FMN1: variants seen among roughly 807,000 people sequenced by gnomAD.
FMN1 encodes formin-1.
A neutral mutation model predicts 132.4 loss-of-function variants in FMN1; 110 were observed. The ratio of observed to expected loss-of-function variants is 0.83; its 90% confidence interval spans 0.71 to 0.97. The LOEUF (loss-of-function observed/expected upper bound fraction) is 0.97, where lower values mean the gene tolerates loss of function less well. Ranked by LOEUF, FMN1 falls within the 50% of genes least tolerant of loss-of-function variation. The pLI is 0.00. For missense variants in FMN1, 1,792 were observed against 1,705.3 expected (o/e 1.05, Z -0.90); for synonymous variants, 722 against 651.7 (o/e 1.11, Z -1.64).
intron 6 of FMN1, among the ~76,000 whole-genome samples, chr15:33,013,526 T>C (rs928605755): frequency 1.3e-5 from 2 of 152,218 alleles, no homozygotes; most frequent in African/African-American, 4.8e-5. Context: ...TATATGGGTG[T>C]TAAATGAAAA....
At chr15:33,068,913 G>C (rs1253196176) in intron 5 of FMN1, among the ~76,000 whole-genome samples, 1 of 152,214 alleles carries the variant, frequency 6.6e-6, no homozygotes, top group Non-Finnish European at 1.5e-5. Flanking sequence ...CTGCTCAGCA[G>C]CTGTGACTTC....
At chr15:32,804,137 T>C (rs914330595) in intron 18 of FMN1, 144 bp downstream of exon 18, 1 of 627,058 alleles carries the variant, frequency 1.6e-6, no homozygotes, top group African/African-American at 1.9e-5. Flanking sequence ...GGGGAATTTG[T>C]GTTTAAAGGG....
In FMN1 at chr15:33,031,235, A is replaced by G. The variant is rs535210142; in HGVS notation, c.2162-23160T>C. ...TCTTAATGTCCACAGCATACTATCC[A>G]AACTCAATAAATGTCCATCGAGGAA... On this transcript the variant is annotated intron_variant, in intron 6 of 20. Coordinates refer to ENST00000616417, the MANE Select transcript of FMN1 (RefSeq NM_001277313.2). Among the ~76,000 whole-genome samples the G allele has an allele frequency of 4.6e-4, 70 of 152,284 alleles. 1 individual carries two copies. The highest frequency in any genetic ancestry group is 1.7e-3 in the South Asian group (8 of 4,826).
At chr15:32,909,461 TC>T in intron 11 of FMN1, among the ~76,000 whole-genome samples, 1 of 152,312 alleles carries the variant, frequency 6.6e-6, no homozygotes, top group East Asian at 1.9e-4. Flanking sequence ...ACTAAGTAGC[TC>T]CTGATACATA....
At position 33,066,587 on chromosome 15, in the gene FMN1, T is replaced by C. The variant is rs751528222; in HGVS notation, c.2044-1513A>G. The C allele has an allele frequency of 2.5e-6, 4 of 1,613,214 alleles. No homozygotes were observed. In the East Asian group the frequency reaches 8.9e-5, roughly 36 times the overall value. On this transcript the variant is annotated intron_variant, in intron 5 of 20. Coordinates refer to ENST00000616417, the MANE Select transcript of FMN1 (RefSeq NM_001277313.2). ...CACAGCTCTTAGCGACTCCTTCTCA[T>C]GTCTCATCTTGCGCTTGAGAGCTTC...
At chr15:33,054,846 C>T (rs1215701020) in intron 6 of FMN1, among the ~76,000 whole-genome samples, 3 of 152,182 alleles carry the variant, frequency 2.0e-5, no homozygotes, top group African/African-American at 4.8e-5. Context: ...GTTCTAGCTA[C>T]TTGTATCTTA....
intron 6 of FMN1, among the ~76,000 whole-genome samples, chr15:33,010,652 T>C (rs938429084): frequency 5.3e-5 from 8 of 152,156 alleles, no homozygotes; most frequent in African/African-American, 1.9e-4. Context: ...GAAGGTATTA[T>C]TCTCTATGTT....
intron 17 of FMN1, among the ~76,000 whole-genome samples, chr15:32,839,839 G>A (rs1258774): frequency 0.98 from 148,814 of 152,046 alleles, 72,892 homozygotes; most frequent in East Asian, 1. Context: ...ATGAAATGGG[G>A]AACAACAATG....
rs527587350 is a variant in FMN1, at chr15:33,155,676, T to A, written c.-131-631A>T. Among the ~76,000 whole-genome samples, 4 of 152,306 alleles carry A rather than the reference T, an allele frequency of 2.6e-5. No individual in the cohort carries two copies. In the South Asian group the frequency reaches 8.3e-4, roughly 32 times the overall value. On this transcript the variant is annotated intron_variant, in intron 3 of 20. Transcript: ENST00000616417. Reference sequence around the variant, plus strand: ...TTTGCTGTTTTCTTTTTTATTTATTTTTTGTTGTTGTATTGCCTTCTTTTT... The same window carrying A: ...TTTGCTGTTTTCTTTTTTATTTATTATTTGTTGTTGTATTGCCTTCTTTTT...
chr15:32,864,814 A>G (rs1365255298), intron 16 of FMN1, among the ~76,000 whole-genome samples: 1 of 152,242 alleles, frequency 6.6e-6, no homozygotes, highest in Non-Finnish European at 1.5e-5. Context: ...TACTTAGTGA[A>G]TAGAGCTTTA....
chr15:33,144,593 G>A (rs1964139480), intron 4 of FMN1, among the ~76,000 whole-genome samples: 1 of 145,366 alleles, frequency 6.9e-6, no homozygotes, highest in African/African-American at 2.5e-5. Flanking sequence ...AGCCGAGATT[G>A]CGCCACTGCA....
intron 6 of FMN1, among the ~76,000 whole-genome samples, chr15:33,038,369 G>C (rs1040415007): frequency 1.3e-5 from 2 of 152,208 alleles, no homozygotes; most frequent in African/African-American, 4.8e-5. Context: ...TTAACATTCA[G>C]AAGTTTTACA....
rs1595875541 is a variant in FMN1 at position 32,769,604 on chromosome 15, A to T, written c.*4706T>A. 1 of 152,250 alleles carries T rather than the reference A, an allele frequency of 6.6e-6. No homozygotes were observed. Among genetic ancestry groups the T allele is most frequent in the South Asian group, 2.1e-4 (1 of 4,836 alleles). 9.4% of individuals were successfully genotyped at this position (152,250 alleles called of 1,614,324 possible). On this transcript the variant is annotated 3_prime_UTR_variant, in exon 21 of 21. Transcript: ENST00000616417. ...TTTTCTTTAAGCCACTTCTATACTA[A>T]TAACAGTTTCCAGGCAGCTGGATTG...
intron 7 of FMN1, among the ~76,000 whole-genome samples, chr15:32,989,997 T>C (rs909385106): frequency 6.6e-6 from 1 of 152,094 alleles, no homozygotes; most frequent in Admixed American, 6.6e-5. Flanking sequence ...AGGAGACAAG[T>C]AGATGAAAAT....
At chr15:32,885,607 C>T (rs1218992556) in intron 16 of FMN1, among the ~76,000 whole-genome samples, 1 of 152,162 alleles carries the variant, frequency 6.6e-6, no homozygotes, top group Non-Finnish European at 1.5e-5. Flanking sequence ...AGATAAAGCA[C>T]TTGATAGATA....
chr15:32,768,151 C>T lies in FMN1; in HGVS notation c.*6159G>A, dbSNP rs1463319708. On this transcript the variant is annotated 3_prime_UTR_variant, in exon 21 of 21. Coordinates refer to ENST00000616417, the MANE Select transcript of FMN1 (RefSeq NM_001277313.2). ...ATAAAGAAATCTGGAATTCAAAATC[C>T]ATGCTAAGAGTTTCCAGAGTGTTCA... is the stretch of plus-strand genomic sequence containing the variant. 1 of 152,110 alleles carries T rather than the reference C, an allele frequency of 6.6e-6. No homozygotes were observed. Among genetic ancestry groups the T allele is most frequent in the Non-Finnish European group, 1.5e-5 (1 of 68,008 alleles). The allele number at this position is 152,110 out of a possible 1,614,324, so 9.4% of individuals were successfully genotyped here. A position where few individuals can be genotyped will look rare whatever the true frequency, so the allele number is the denominator to read the frequency against.
intron 17 of FMN1, among the ~76,000 whole-genome samples, chr15:32,828,835 C>A (rs2058434532): frequency 6.6e-6 from 1 of 152,166 alleles, no homozygotes; most frequent in African/African-American, 2.4e-5. Context: ...AACAAAGGAA[C>A]ACGTTAGTAG....
chr15:33,087,521 G>A (rs2038742008), intron 5 of FMN1, among the ~76,000 whole-genome samples: 1 of 152,146 alleles, frequency 6.6e-6, no homozygotes, highest in South Asian at 2.1e-4. Flanking sequence ...ACTCCAGCCT[G>A]AGCAACAGAG....
At chr15:32,797,535 C>T (rs1365628381) in intron 19 of FMN1, among the ~76,000 whole-genome samples, 1 of 152,062 alleles carries the variant, frequency 6.6e-6, no homozygotes, top group Non-Finnish European at 1.5e-5. Flanking sequence ...GGTTGGGTGC[C>T]AAGATTTTTA....
Sources: gnomAD v4.1 joint callset for allele counts (sites outside exome capture counted in the v4.1 genomes callset) on GRCh38, gnomAD v4.1.1 for gene constraint, MANE v1.5 for transcripts, NCBI Gene and HGNC (gene_info 2026-07-23, HGNC 2026-07-21) for gene names.